Variants in LRMDA observed in about 807,000 individuals in gnomAD.
LRMDA encodes leucine rich melanocyte differentiation associated.
Under a neutral mutation model 29.8 loss-of-function variants are expected in LRMDA, and 18 were observed. That is an observed-to-expected ratio of 0.60 (90% CI 0.42 to 0.90). LRMDA has a LOEUF of 0.90. LRMDA is among the 40% of genes least tolerant of loss of function. The probability of loss-of-function intolerance (pLI) is 0.00; values close to 1 mark genes in which losing one functional copy is unlikely to be tolerated. For synonymous variants in LRMDA, 125 were observed against 109.4 expected, an observed-to-expected ratio of 1.14 and a Z score of -0.89; for missense variants, 273 against 273.9, an observed-to-expected ratio of 1.00 and a Z score of 0.02.
intron 2 of LRMDA, among the ~76,000 whole-genome samples, chr10:75,777,327 C>T (rs1843326279): frequency 6.6e-6 from 1 of 152,222 alleles, no homozygotes; most frequent in Non-Finnish European, 1.5e-5. Context: ...GTCTCTGGGC[C>T]ATCACATACT....
chr10:75,476,519 C>T (rs1844793090), intron 2 of LRMDA, among the ~76,000 whole-genome samples: 1 of 152,154 alleles, frequency 6.6e-6, no homozygotes, highest in South Asian at 2.1e-4. Flanking sequence ...GCCATGTCTG[C>T]CCCTATCTCC....
chr10:75,697,854 T>G (rs118040943), intron 2 of LRMDA, among the ~76,000 whole-genome samples: 4 of 151,502 alleles, frequency 2.6e-5, no homozygotes, highest in Non-Finnish European at 5.9e-5. Flanking sequence ...TGTGTGTGCG[T>G]GTGTGTGTGT....
intron 2 of LRMDA, among the ~76,000 whole-genome samples, chr10:75,830,511 G>A (rs1844322408): frequency 6.6e-6 from 1 of 151,262 alleles, no homozygotes; most frequent in African/African-American, 2.5e-5. Flanking sequence ...GCAAGGAAGA[G>A]CAAGTCATAT....
chr10:76,338,400 T>A (rs149156884), intron 6 of LRMDA, among the ~76,000 whole-genome samples: 3 of 126,178 alleles, frequency 2.4e-5, no homozygotes, highest in African/African-American at 8.2e-5. Flanking sequence ...AAATAAATAA[T>A]AAATAAATGG....
chr10:75,579,112 A>C (rs899381086), intron 2 of LRMDA, among the ~76,000 whole-genome samples: 25 of 152,310 alleles, frequency 1.6e-4, no homozygotes, highest in African/African-American at 5.1e-4. Flanking sequence ...AAACCCTTCA[A>C]AAAAATCAAT....
chr10:75,559,569 G>T lies in LRMDA; in HGVS notation c.131+121075G>T, dbSNP rs1183853042. Among the ~76,000 whole-genome samples the T allele has an allele frequency of 3.4e-5, 5 of 148,606 alleles. No individual in the cohort carries two copies. The East Asian group carries it at 7.9e-4, about 24-fold the overall frequency. Reference sequence around the variant, plus strand: ...CCATTAGTCAATTTTGGCTTTTGTTGCCATTGCTTTTGGTGTTTTAGACAT... The same window carrying T: ...CCATTAGTCAATTTTGGCTTTTGTTTCCATTGCTTTTGGTGTTTTAGACAT... On this transcript the variant is annotated intron_variant, in intron 2 of 6. Transcript: ENST00000611255.
intron 5 of LRMDA, among the ~76,000 whole-genome samples, chr10:76,099,687 T>A (rs187508419): frequency 6.6e-6 from 1 of 152,332 alleles, no homozygotes; most frequent in Admixed American, 6.5e-5. Context: ...TACTTGGCAA[T>A]ATTCCAGATA....
chr10:76,394,701 T>C (rs1054515817), intron 6 of LRMDA, among the ~76,000 whole-genome samples: 3 of 152,190 alleles, frequency 2.0e-5, no homozygotes, highest in African/African-American at 7.2e-5. Context: ...CAAGGCGGAT[T>C]ACTACTATTC....
At chr10:76,282,841 G>A (rs1035970792) in intron 5 of LRMDA, among the ~76,000 whole-genome samples, 1 of 152,110 alleles carries the variant, frequency 6.6e-6, no homozygotes. Flanking sequence ...AGGGAGGTCC[G>A]GCAGATTTCA....
intron 5 of LRMDA, among the ~76,000 whole-genome samples, chr10:76,217,667 G>A (rs574206119): frequency 5.9e-5 from 9 of 152,286 alleles, no homozygotes; most frequent in Non-Finnish European, 7.4e-5. Context: ...GGGGAAACGC[G>A]TTGGGAAAGG....
intron 6 of LRMDA, among the ~76,000 whole-genome samples, chr10:76,555,990 T>C (rs760222653): frequency 6.6e-6 from 1 of 152,174 alleles, no homozygotes; most frequent in Non-Finnish European, 1.5e-5. Flanking sequence ...GAATTTAAAA[T>C]AGGTTTTTCT....
At chr10:75,972,163 C>A (rs1032459979) in intron 2 of LRMDA, among the ~76,000 whole-genome samples, 13 of 152,030 alleles carry the variant, frequency 8.6e-5, no homozygotes, top group Non-Finnish European at 1.8e-4. Context: ...GGGATGATGA[C>A]TAATATGGCA....
At chr10:76,149,447 GT>G (rs1179926258) in intron 5 of LRMDA, among the ~76,000 whole-genome samples, 2 of 152,140 alleles carry the variant, frequency 1.3e-5, no homozygotes, top group Non-Finnish European at 2.9e-5. Context: ...TTATTTAAGG[GT>G]GTTGATCACA....
chr10:76,164,031 TAAAC>T (rs1850692357), intron 5 of LRMDA, among the ~76,000 whole-genome samples: 1 of 152,202 alleles, frequency 6.6e-6, no homozygotes. Flanking sequence ...AACACTTCCT[TAAAC>T]AACCCTCTGA....
intron 2 of LRMDA, among the ~76,000 whole-genome samples, chr10:75,720,985 T>G (rs546127183): frequency 6.6e-6 from 1 of 152,224 alleles, no homozygotes; most frequent in African/African-American, 2.4e-5. Context: ...AATGACTCTG[T>G]TTTAACTATG....
chr10:75,926,534 G>A (rs549877142), intron 2 of LRMDA, among the ~76,000 whole-genome samples: 19 of 152,274 alleles, frequency 1.2e-4, no homozygotes, highest in Non-Finnish European at 2.2e-4. Flanking sequence ...GTGGCAGCCC[G>A]CCCACCTTTT....
intron 2 of LRMDA, among the ~76,000 whole-genome samples, chr10:75,542,191 T>C (rs921639882): frequency 3.3e-5 from 5 of 152,160 alleles, no homozygotes; most frequent in Admixed American, 6.5e-5. Flanking sequence ...ACAAAGTCTT[T>C]GGTAACTTTA....
At chr10:75,480,658 G>C (rs1174245840) in intron 2 of LRMDA, among the ~76,000 whole-genome samples, 1 of 152,234 alleles carries the variant, frequency 6.6e-6, no homozygotes, top group Admixed American at 6.5e-5. Context: ...CATAGGCTAA[G>C]GGCTTGCCAT....
intron 5 of LRMDA, among the ~76,000 whole-genome samples, chr10:76,150,540 C>T (rs537619567): frequency 6.6e-6 from 1 of 152,286 alleles, no homozygotes; most frequent in South Asian, 2.1e-4. Flanking sequence ...TAAAACACTA[C>T]GGCTGTCATA....
Sources: gnomAD v4.1 joint callset for allele counts (sites outside exome capture counted in the v4.1 genomes callset) on GRCh38, gnomAD v4.1.1 for gene constraint, MANE v1.5 for transcripts, NCBI Gene and HGNC (gene_info 2026-07-23, HGNC 2026-07-21) for gene names.